WWOX: variants seen among roughly 807,000 people sequenced by gnomAD.
The protein encoded by WWOX is WW domain containing oxidoreductase.
A neutral mutation model predicts 46.2 loss-of-function variants in WWOX; 69 were observed. The ratio of observed to expected loss-of-function variants is 1.49; its 90% CI spans 1.23 to 1.82. The LOEUF (loss-of-function observed/expected upper bound fraction) is 1.82, where lower values mean the gene tolerates loss of function less well. Ranked by LOEUF, WWOX falls within the 40% of genes most tolerant of loss-of-function variation. WWOX has a pLI of 0.00. For synonymous variants in WWOX, 359 were observed against 202.6 expected (o/e 1.77, Z -6.56); for missense variants, 919 against 542.6 (o/e 1.69, Z -6.89).
At chr16:78,364,014 G>C (rs1246383078) in intron 5 of WWOX, among the ~76,000 whole-genome samples, 1 of 152,180 alleles carries the variant, frequency 6.6e-6, no homozygotes, top group East Asian at 1.9e-4. Context: ...TTTAATAAAT[G>C]CTTACATTTT....
At chr16:79,179,641 C>G (rs896526766) in intron 8 of WWOX, among the ~76,000 whole-genome samples, 13 of 152,190 alleles carry the variant, frequency 8.5e-5, no homozygotes, top group Admixed American at 7.9e-4. Context: ...AGCTTCCCTT[C>G]CATTGTATTT....
At chr16:78,837,174 T>G (rs1372796040) in intron 8 of WWOX, among the ~76,000 whole-genome samples, 2 of 152,308 alleles carry the variant, frequency 1.3e-5, no homozygotes, top group South Asian at 2.1e-4. Context: ...TTTAGCTGCA[T>G]GTAGATGGCT....
At chr16:78,906,146 TCCTCAGCGAAA>T (rs2044957826) in intron 8 of WWOX, among the ~76,000 whole-genome samples, 1 of 151,996 alleles carries the variant, frequency 6.6e-6, no homozygotes, top group African/African-American at 2.4e-5. Context: ...AAACCCAAAA[TCCTCAGCGAAA>T]CCTCAGCCAT....
intron 5 of WWOX, among the ~76,000 whole-genome samples, chr16:78,178,990 G>T (rs1055197528): frequency 6.6e-6 from 1 of 152,140 alleles, no homozygotes; most frequent in Non-Finnish European, 1.5e-5. Flanking sequence ...GGACCATTTT[G>T]TATCATTGGA....
intron 8 of WWOX, among the ~76,000 whole-genome samples, chr16:79,172,085 C>G (rs2050710532): frequency 6.6e-6 from 1 of 152,188 alleles, no homozygotes; most frequent in Non-Finnish European, 1.5e-5. Context: ...TAGCACGTGA[C>G]TGTCCTCTGT....
chr16:78,956,550 G>C (rs1291515387), intron 8 of WWOX, among the ~76,000 whole-genome samples: 3 of 152,082 alleles, frequency 2.0e-5, no homozygotes, highest in Non-Finnish European at 4.4e-5. Context: ...TATATTCTGT[G>C]GGTTTTCACA....
intron 8 of WWOX, among the ~76,000 whole-genome samples, chr16:78,508,879 T>G (rs985521632): frequency 2.0e-5 from 3 of 152,220 alleles, no homozygotes; most frequent in African/African-American, 7.2e-5. Context: ...CCAACTCTTT[T>G]CAGGAATGCA....
chr16:78,155,345 C>T (rs953939573), intron 4 of WWOX, among the ~76,000 whole-genome samples: 1 of 152,170 alleles, frequency 6.6e-6, no homozygotes, highest in Non-Finnish European at 1.5e-5. Flanking sequence ...GACTTGTCCT[C>T]TGATCATCAG....
At chr16:78,748,920 C>T (rs1469054998) in intron 8 of WWOX, among the ~76,000 whole-genome samples, 1 of 152,260 alleles carries the variant, frequency 6.6e-6, no homozygotes, top group Non-Finnish European at 1.5e-5. Context: ...TCTCTTATTT[C>T]TCCTTGCAAT....
At chr16:78,658,728 C>G (rs950755289) in intron 8 of WWOX, among the ~76,000 whole-genome samples, 1 of 152,058 alleles carries the variant, frequency 6.6e-6, no homozygotes, top group Non-Finnish European at 1.5e-5. Context: ...ATTTAGGGCT[C>G]ACTGGAATCC....
At chr16:79,209,294 A>C (rs2051630649) in intron 8 of WWOX, among the ~76,000 whole-genome samples, 1 of 152,256 alleles carries the variant, frequency 6.6e-6, no homozygotes, top group Non-Finnish European at 1.5e-5. Flanking sequence ...ATGGGACTGC[A>C]GAATTTCTTA....
intron 8 of WWOX, among the ~76,000 whole-genome samples, chr16:78,722,340 A>C (rs1369534904): frequency 6.6e-6 from 1 of 152,150 alleles, no homozygotes; most frequent in Non-Finnish European, 1.5e-5. Context: ...CAGTTTTCTC[A>C]TCTGTAAAAT....
At chr16:78,334,922 TTTAA>T (rs2080850832) in intron 5 of WWOX, among the ~76,000 whole-genome samples, 1 of 131,438 alleles carries the variant, frequency 7.6e-6, no homozygotes, top group South Asian at 2.5e-4. Flanking sequence ...ACCATCTTTT[TTTAA>T]AAAAAAAAAA....
chr16:78,323,458 G>C (rs1034903887), intron 5 of WWOX, among the ~76,000 whole-genome samples: 1 of 151,950 alleles, frequency 6.6e-6, no homozygotes, highest in Admixed American at 6.6e-5. Flanking sequence ...CTCAGTTAAT[G>C]ATAAATTGTT....
intron 5 of WWOX, among the ~76,000 whole-genome samples, chr16:78,324,026 C>G (rs1429900392): frequency 6.6e-6 from 1 of 152,128 alleles, no homozygotes; most frequent in Non-Finnish European, 1.5e-5. Context: ...ATTATTTCCT[C>G]TGTGTTAGAG....
chr16:78,561,621 A>G (rs2044438392), intron 8 of WWOX, among the ~76,000 whole-genome samples: 1 of 152,114 alleles, frequency 6.6e-6, no homozygotes, highest in Non-Finnish European at 1.5e-5. Context: ...GAGACCTGAT[A>G]TTTGGAGAGA....
intron 8 of WWOX, among the ~76,000 whole-genome samples, chr16:78,849,804 G>A (rs1365890539): frequency 2.6e-5 from 4 of 152,088 alleles, no homozygotes; most frequent in Non-Finnish European, 4.4e-5. Flanking sequence ...TGGGCGTGGT[G>A]GCTCATGCCT....
intron 8 of WWOX, among the ~76,000 whole-genome samples, chr16:78,544,762 C>G (rs1389268920): frequency 6.6e-6 from 1 of 152,062 alleles, no homozygotes; most frequent in Non-Finnish European, 1.5e-5. Context: ...GTGGTTCCAG[C>G]TACTCAGGAG....
At chr16:79,020,712 C>T (rs574895972) in intron 8 of WWOX, among the ~76,000 whole-genome samples, 2 of 152,130 alleles carry the variant, frequency 1.3e-5, no homozygotes, top group Non-Finnish European at 2.9e-5. Context: ...GGATAAAGCT[C>T]TGTACAGATG....
Sources: gnomAD v4.1 joint callset for allele counts (sites outside exome capture counted in the v4.1 genomes callset) on GRCh38, gnomAD v4.1.1 for gene constraint, MANE v1.5 for transcripts, NCBI Gene and HGNC (gene_info 2026-07-23, HGNC 2026-07-21) for gene names.